TMEM131L: variants seen among roughly 807,000 people sequenced by gnomAD.
TMEM131L encodes the protein transmembrane 131 like.
Under a neutral mutation model 192.2 loss-of-function variants are expected in TMEM131L, and 54 were observed. The ratio of observed to expected loss-of-function variants is 0.28; its 90% CI spans 0.23 to 0.35. The LOEUF is 0.35. Ranked by LOEUF, TMEM131L falls within the 10% of genes least tolerant of loss-of-function variation. The pLI, the probability that TMEM131L is intolerant of heterozygous loss-of-function variation, is 1.00. For synonymous variants in TMEM131L, 701 were observed against 704.9 expected, an observed-to-expected ratio of 0.99 and a Z score of 0.09; for missense variants, 1,888 against 1,972.9, an observed-to-expected ratio of 0.96 and a Z score of 0.82.
intron 3 of TMEM131L, among the ~76,000 whole-genome samples, chr4:153,547,708 C>T (rs1043960284): frequency 2.0e-5 from 3 of 152,212 alleles, no homozygotes; most frequent in African/African-American, 4.8e-5. Context: ...CTTCCCAAGC[C>T]GTCATCAGCA....
At chr4:153,513,924 T>C (rs1379869653) in intron 3 of TMEM131L, among the ~76,000 whole-genome samples, 1 of 152,244 alleles carries the variant, frequency 6.6e-6, no homozygotes, top group Non-Finnish European at 1.5e-5. Flanking sequence ...GTTGGGATTA[T>C]AACAAAATTG....
chr4:153,526,610 C>T (rs1735508105), intron 3 of TMEM131L, among the ~76,000 whole-genome samples: 1 of 152,082 alleles, frequency 6.6e-6, no homozygotes, highest in Admixed American at 6.5e-5. Context: ...TGGTGGCGGG[C>T]ACCTGTAGTC....
At chr4:153,516,798 T>C (rs1233556649) in intron 3 of TMEM131L, among the ~76,000 whole-genome samples, 2 of 152,092 alleles carry the variant, frequency 1.3e-5, no homozygotes, top group African/African-American at 4.8e-5. Context: ...ACCAGTACTT[T>C]TTGTTCATCT....
In TMEM131L at chr4:153,570,034, A is replaced by G. The variant is rs182278306; in HGVS notation, c.661-10792A>G. Among the ~76,000 whole-genome samples, 231 of 151,684 alleles carry G rather than the reference A, an allele frequency of 1.5e-3. 1 individual carries two copies. The highest frequency in any genetic ancestry group is 5.0e-3 in the African/African-American group (207 of 41,038). ...TTTATTTTATTTTATTTTTATTTTA[A>G]TCAGAAGTTCTCCATGCCTCTGTGC... On this transcript the variant is annotated intron_variant, in intron 7 of 34. Transcript: ENST00000409959.
chr4:153,495,348 A>G (rs1396690424), intron 3 of TMEM131L, among the ~76,000 whole-genome samples: 1 of 152,056 alleles, frequency 6.6e-6, no homozygotes, highest in East Asian at 1.9e-4. Context: ...AAGTAAGTTA[A>G]TTTTGCCAAG....
rs776782529 is a variant in TMEM131L, at chr4:153,598,502, C to G, written c.2124-88C>G. 1.6e-4 allele frequency: 190 copies of G among 1,160,700 alleles called. 1 individual carries two copies. Among genetic ancestry groups the G allele is most frequent in the Non-Finnish European group, 2.3e-4 (185 of 814,462 alleles). The allele number at this position is 1,160,700 out of a possible 1,614,324, so 71.9% of individuals were successfully genotyped here. Reference sequence around the variant, plus strand: ...AACTTCAAAAAAGTTTAAAAATATTCTTGATAACTGGGAATATTTAAATTT... The same window carrying G: ...AACTTCAAAAAAGTTTAAAAATATTGTTGATAACTGGGAATATTTAAATTT... On this transcript the variant is annotated intron_variant, in intron 20 of 34. Transcript: ENST00000409959.
chr4:153,592,110 C>G (rs1190837065), intron 17 of TMEM131L, among the ~76,000 whole-genome samples: 1 of 151,864 alleles, frequency 6.6e-6, no homozygotes, highest in Non-Finnish European at 1.5e-5. Flanking sequence ...GTTATTTAAT[C>G]TACAGTAAAT....
intron 1 of TMEM131L, 84 bp downstream of exon 1, chr4:153,466,605 G>C: frequency 1.7e-6 from 2 of 1,191,190 alleles, no homozygotes; most frequent in Non-Finnish European, 2.1e-6. Context: ...ATCTATAAGA[G>C]GGCGAGGGGA....
chr4:153,634,095 A>C, intron 32 of TMEM131L, 97 bp from the exon 33 acceptor site: 1 of 998,612 alleles, frequency 1.0e-6, no homozygotes. Context: ...GGGAATTCAC[A>C]GTGATTAGGA....
At chr4:153,612,157 C>A in intron 25 of TMEM131L, 95 bp from the exon 26 acceptor site, 1 of 857,614 alleles carries the variant, frequency 1.2e-6, no homozygotes, top group Non-Finnish European at 1.7e-6. Flanking sequence ...ATTTAACTCT[C>A]ATGAAGTCAA....
At chr4:153,488,035 G>A (rs1732481351) in intron 3 of TMEM131L, among the ~76,000 whole-genome samples, 2 of 150,248 alleles carry the variant, frequency 1.3e-5, no homozygotes, top group Non-Finnish European at 3.0e-5. Context: ...GCCTATGACT[G>A]AGGGGTGTGT....
At chr4:153,604,519 T>A in intron 25 of TMEM131L, 89 bp downstream of exon 25, 1 of 1,269,574 alleles carries the variant, frequency 7.9e-7, no homozygotes, top group Non-Finnish European at 1.1e-6. Flanking sequence ...CCGTTAGTTT[T>A]AATTGTGGAT....
At chr4:153,557,732 C>T (rs775123222) in intron 6 of TMEM131L, among the ~76,000 whole-genome samples, 1 of 152,120 alleles carries the variant, frequency 6.6e-6, no homozygotes, top group East Asian at 1.9e-4. Flanking sequence ...GAAGAGTTGC[C>T]TACTTGTGAA....
chr4:153,577,016 G>T (rs755668937), intron 7 of TMEM131L, among the ~76,000 whole-genome samples: 1 of 152,194 alleles, frequency 6.6e-6, no homozygotes, highest in Non-Finnish European at 1.5e-5. Flanking sequence ...GTTGTGAGAA[G>T]TGTTACAAAA....
At chr4:153,602,449 C>A (rs771310893) in intron 22 of TMEM131L, 93 bp from the exon 23 acceptor site, 16 of 1,522,770 alleles carry the variant, frequency 1.1e-5, no homozygotes, top group Non-Finnish European at 1.4e-5. Flanking sequence ...GTAAATATTT[C>A]TTTTGTAGGA....
At chr4:153,549,215 C>T (rs1396538862) in intron 3 of TMEM131L, among the ~76,000 whole-genome samples, 1 of 152,170 alleles carries the variant, frequency 6.6e-6, no homozygotes, top group African/African-American at 2.4e-5. Context: ...GATCTGCCTG[C>T]CTTGGCCTCT....
chr4:153,636,516 A>G lies in TMEM131L; in HGVS notation c.4773A>G (p.Thr1591=). 1.9e-6 allele frequency: 3 copies of G among 1,614,206 alleles called. No individual in the cohort carries two copies. The highest frequency in any genetic ancestry group is 2.5e-6 in the Non-Finnish European group (3 of 1,180,012). ...TGAACCTGGACATATGGACTACCAC[A>G]GCGAATAGGAATGCAAATTTCCCAC... ...AYMNLDIWTT[T]ANRNANFPLS... is the part of the protein sequence containing the mutation. The change falls in exon 35 of 35, where the codon ACA becomes ACG. Residue 1591 remains threonine (T), a synonymous_variant. Transcript: ENST00000409959.
chr4:153,581,357 A>C, intron 8 of TMEM131L, 50 bp from the exon 9 acceptor site: 1 of 1,446,036 alleles, frequency 6.9e-7, no homozygotes, highest in Admixed American at 2.4e-5. Flanking sequence ...TGAAACCACA[A>C]AGTTGAGATG....
At chr4:153,469,276 A>G (rs927698521) in intron 2 of TMEM131L, among the ~76,000 whole-genome samples, 14 of 139,114 alleles carry the variant, frequency 1.0e-4, no homozygotes, top group African/African-American at 4.2e-4. Flanking sequence ...TTTAGAAACT[A>G]TCTTGCCCTG....
Sources: allele counts gnomAD v4.1 joint callset (sites outside exome capture counted in the v4.1 genomes callset), GRCh38; gene constraint gnomAD v4.1.1; transcripts MANE v1.5; gene names NCBI Gene and HGNC (gene_info 2026-07-23, HGNC 2026-07-21).